The following PCDHGA10 variants were observed in gnomAD, a reference collection of about 807,000 sequenced individuals.
PCDHGA10 encodes protocadherin gamma subfamily A, 10, also known as protocadherin gamma-A10.
A neutral mutation model predicts 59.5 loss-of-function variants in PCDHGA10; 42 were observed. The ratio of observed to expected loss-of-function variants is 0.71; its 90% confidence interval spans 0.55 to 0.91. The LOEUF is 0.91. Among genes scored for constraint, PCDHGA10 ranks in the 40% least tolerant of loss-of-function variants. The pLI, the probability that PCDHGA10 is intolerant of heterozygous loss-of-function variation, is 0.00. For missense variants in PCDHGA10, 1,111 were observed against 1,198.2 expected (o/e 0.93, Z 1.07); for synonymous variants, 511 against 517.2 (o/e 0.99, Z 0.16).
intron 1 of PCDHGA10, chr5:141,418,478 G>A (rs777772131): frequency 1.2e-6 from 2 of 1,613,858 alleles, no homozygotes; most frequent in Non-Finnish European, 1.7e-6. Flanking sequence ...AACGCAGAGC[G>A]CTCACCACTT....
chr5:141,434,174 C>T (rs1310074584), intron 1 of PCDHGA10, among the ~76,000 whole-genome samples: 1 of 152,132 alleles, frequency 6.6e-6, no homozygotes, highest in Non-Finnish European at 1.5e-5. Flanking sequence ...GGGATTATAT[C>T]CAAGATTTGT....
Position 141,414,535 on chromosome 5 carries a change from C to T in PCDHGA10, c.1360C>T (p.Pro454Ser), listed in dbSNP as rs2095756820. The T allele has an allele frequency of 6.2e-7, 1 of 1,613,962 alleles. No individual in the cohort carries two copies. The change falls in exon 1 of 4, where the codon CCT (proline) becomes TCT (serine). Residue 454 changes from proline to serine, a missense_variant. Physicochemically the swap from Pro to Ser is moderately conservative, Grantham distance 74 (BLOSUM62 -1). Coordinates refer to ENST00000398610, the MANE Select transcript of PCDHGA10 (RefSeq NM_018913.3). The stretch of plus-strand genomic sequence containing the variant: ...AGTGGCAGATATCAATGACAACCCA[C>T]CTACCTTCTCTCAAGTCTCCTACTT... ...LQVADINDNP[P>S]TFSQVSYFTY...
At chr5:141,469,362 G>GT (rs1212141268) in intron 1 of PCDHGA10, among the ~76,000 whole-genome samples, 4 of 152,084 alleles carry the variant, frequency 2.6e-5, no homozygotes, top group Non-Finnish European at 5.9e-5. Flanking sequence ...GGATCATGAG[G>GT]TAAAGAGATC....
At position 141,487,465 on chromosome 5, in the gene PCDHGA10, T is replaced by C. The variant is rs1354086784; in HGVS notation, c.2437-7342T>C. 1.9e-6 allele frequency: 3 copies of C among 1,614,194 alleles called. No individual in the cohort carries two copies. The highest frequency in any genetic ancestry group is 1.7e-6 in the Non-Finnish European group (2 of 1,180,020). Reference sequence around the variant, plus strand: ...CAGATGACCCTATCAAGTTTGTTGATGTGGGAGGCCACTCTCATGGCTGTA... The same window carrying C: ...CAGATGACCCTATCAAGTTTGTTGACGTGGGAGGCCACTCTCATGGCTGTA... On this transcript the variant is annotated intron_variant, in intron 1 of 3. Transcript: ENST00000398610. The surrounding 1 kb of genome is among the most constrained non-coding windows in gnomAD (Gnocchi z 5.0).
At position 141,418,023 on chromosome 5, in the gene PCDHGA10, G is replaced by A. The variant is rs375588252; in HGVS notation, c.2436+2412G>A. 244 of 1,613,996 alleles carry A rather than the reference G, an allele frequency of 1.5e-4. No individual in the cohort carries two copies. The Middle Eastern group carries it at 3.5e-3, about 23-fold the overall frequency. On this transcript the variant is annotated intron_variant, in intron 1 of 3. Coordinates refer to ENST00000398610, the MANE Select transcript of PCDHGA10 (RefSeq NM_018913.3). ...GTGGGGAACCTCGCTAAGGATCTAGGGCTTAGTGTCCTGGATGTGTCGGCT... is the reference window on the plus strand; with the variant it reads ...GTGGGGAACCTCGCTAAGGATCTAGAGCTTAGTGTCCTGGATGTGTCGGCT...
chr5:141,441,136 GA>G (rs1379465827), intron 1 of PCDHGA10: 2 of 152,304 alleles, frequency 1.3e-5, no homozygotes, highest in Middle Eastern at 3.4e-3. Flanking sequence ...CGAATTTCTA[GA>G]AGATAATGAC....
At position 141,491,381 on chromosome 5, in the gene PCDHGA10, C is replaced by CT. The variant is rs1554177905; in HGVS notation, c.2437-3426_2437-3425insT. The CT allele has an allele frequency of 2.8e-5, 45 of 1,614,068 alleles. No individual in the cohort carries two copies. Among genetic ancestry groups the CT allele is most frequent in the Non-Finnish European group, 3.5e-5 (41 of 1,179,950 alleles). On this transcript the variant is annotated intron_variant, in intron 1 of 3. Coordinates refer to ENST00000398610, the MANE Select transcript of PCDHGA10 (RefSeq NM_018913.3). This position sits in a 1 kb window ranked among gnomAD's most constrained non-coding sequence, Gnocchi z 6.9. ...CTAGTCACCTTCACCTTTCTGTCAG[C>CT]GAAGTGCCTTCAGGGAAACGCAGAC...
chr5:141,422,027 C>A, intron 1 of PCDHGA10: 1 of 1,610,650 alleles, frequency 6.2e-7, no homozygotes, highest in Non-Finnish European at 8.5e-7. Context: ...ATGGTTAATG[C>A]AACGGATCCA....
intron 3 of PCDHGA10, 44 bp downstream of exon 3, chr5:141,505,525 G>C: frequency 1.2e-6 from 2 of 1,612,490 alleles, no homozygotes; most frequent in Non-Finnish European, 1.7e-6. Flanking sequence ...GAGACCTGGG[G>C]TTCTGGGGTG....
chr5:141,415,450 C>A lies in PCDHGA10; in HGVS notation c.2275C>A (p.His759Asn), dbSNP rs774745130. 44 of 1,614,086 alleles carry A rather than the reference C, an allele frequency of 2.7e-5. No homozygotes were observed. The highest frequency in any genetic ancestry group is 3.4e-5 in the Non-Finnish European group (40 of 1,180,052). The change falls in exon 1 of 4, where the codon CAC (histidine) becomes AAC (asparagine). Residue 759 changes from histidine to asparagine, a missense_variant. By Grantham distance (68) the His-to-Asn change is moderately conservative. Coordinates refer to ENST00000398610, the MANE Select transcript of PCDHGA10 (RefSeq NM_018913.3). ...TCGGGCTTTCCTGCAGACCTATTCC[C>A]ACGAGGTCTCTCTCACCGCGGACTC... The part of the protein sequence containing the change: ...GVRAFLQTYS[H>N]EVSLTADSRK...
Position 141,486,859 on chromosome 5 carries a change from T to C in PCDHGA10, c.2437-7948T>C, listed in dbSNP as rs1231188225. ...TTGTGCTGGACCTCAATGACAATGC[T>C]CCAGCTGTGCTCCGTCCTCGGGCCC... On this transcript the variant is annotated intron_variant, in intron 1 of 3. Transcript: ENST00000398610. The surrounding 1 kb of genome is among the most constrained non-coding windows in gnomAD (Gnocchi z 5.0). The C allele has an allele frequency of 1.9e-6, 3 of 1,614,242 alleles. No individual in the cohort carries two copies. The highest frequency in any genetic ancestry group is 2.7e-5 in the African/African-American group (2 of 75,072).
In PCDHGA10 at chr5:141,491,276, A is replaced by G; in HGVS notation, c.2437-3531A>G. The G allele has an allele frequency of 6.2e-7, 1 of 1,614,104 alleles. No individual in the cohort carries two copies. On this transcript the variant is annotated intron_variant, in intron 1 of 3. Coordinates refer to ENST00000398610, the MANE Select transcript of PCDHGA10 (RefSeq NM_018913.3). The surrounding 1 kb of genome is among the most constrained non-coding windows in gnomAD (Gnocchi z 6.9). ...CCTGAGGAAATGCCCAAATCCAGTG[A>G]CTTCCTCATACACCCTCCTGAGCGT...
intron 1 of PCDHGA10, among the ~76,000 whole-genome samples, chr5:141,436,998 A>T (rs985067199): frequency 6.6e-6 from 1 of 152,242 alleles, no homozygotes; most frequent in African/African-American, 2.4e-5. Context: ...GTTTACTTCA[A>T]TGGGATCTTA....
At chr5:141,448,893 C>G (rs957997508) in intron 1 of PCDHGA10, among the ~76,000 whole-genome samples, 2 of 151,948 alleles carry the variant, frequency 1.3e-5, no homozygotes, top group Non-Finnish European at 2.9e-5. Flanking sequence ...TGCAGTGAGC[C>G]GAGATCGTGC....
rs567522277 is a variant in PCDHGA10, at chr5:141,485,131, A to G, written c.2437-9676A>G. 1.3e-6 allele frequency: 2 copies of G among 1,482,660 alleles called. No individual in the cohort carries two copies. The highest frequency in any genetic ancestry group is 1.2e-5 in the South Asian group (1 of 83,730). 91.8% of individuals were successfully genotyped at this position (1,482,660 alleles called of 1,614,324 possible). ...TGGCTGTTTGGGGCGGGTCGGCTTC[A>G]TCCGCGTCTCAGGAGCAAGTAGAGA... On this transcript the variant is annotated intron_variant, in intron 1 of 3. Transcript: ENST00000398610. The surrounding 1 kb of genome is among the most constrained non-coding windows in gnomAD (Gnocchi z 5.7).
intron 1 of PCDHGA10, chr5:141,428,289 G>A: frequency 1.4e-6 from 1 of 728,400 alleles, no homozygotes; most frequent in Non-Finnish European, 2.4e-6. Context: ...CCCAAGCAAA[G>A]CTGCAGATTT....
intron 1 of PCDHGA10, among the ~76,000 whole-genome samples, chr5:141,442,700 TA>T (rs2098337605): frequency 6.6e-6 from 1 of 152,198 alleles, no homozygotes; most frequent in Non-Finnish European, 1.5e-5. Flanking sequence ...CAGACAAGAG[TA>T]TCAGACATGC....
intron 1 of PCDHGA10, among the ~76,000 whole-genome samples, chr5:141,434,129 G>T (rs1242855904): frequency 6.6e-6 from 1 of 152,092 alleles, no homozygotes; most frequent in East Asian, 1.9e-4. Flanking sequence ...CTCCCTTTAG[G>T]CTGATTTCTA....
intron 1 of PCDHGA10, among the ~76,000 whole-genome samples, chr5:141,444,885 T>C (rs547403761): frequency 6.6e-6 from 1 of 152,320 alleles, no homozygotes; most frequent in African/African-American, 2.4e-5. Flanking sequence ...TGTAGGATTT[T>C]TGAATGGGAT....
Sources: allele counts gnomAD v4.1 joint callset (sites outside exome capture counted in the v4.1 genomes callset), GRCh38; gene constraint gnomAD v4.1.1; non-coding constraint Gnocchi (gnomAD v3.1); transcripts MANE v1.5; gene names NCBI Gene and HGNC (gene_info 2026-07-23, HGNC 2026-07-21).